FAM117B: variants seen among roughly 807,000 people sequenced by gnomAD.
FAM117B encodes protein FAM117B.
FAM117B carries 22 observed loss-of-function variants against 52.8 expected under a neutral mutation model. The ratio of observed to expected loss-of-function variants is 0.42; its 90% CI spans 0.30 to 0.59. The LOEUF (loss-of-function observed/expected upper bound fraction) is 0.59. Ranked by LOEUF, FAM117B falls within the 20% of genes least tolerant of loss-of-function variation. The pLI is 0.22. For synonymous variants in FAM117B, 309 were observed against 324.1 expected, an observed-to-expected ratio of 0.95 and a Z score of 0.50; for missense variants, 678 against 802.6, an observed-to-expected ratio of 0.84 and a Z score of 1.88.
intron 2 of FAM117B, among the ~76,000 whole-genome samples, chr2:202,700,130 A>G (rs759285002): frequency 2.0e-5 from 3 of 152,160 alleles, no homozygotes; most frequent in Non-Finnish European, 4.4e-5. Context: ...AGACAAATTA[A>G]TAACTTTACA....
rs757843381 is a variant in FAM117B at position 202,694,188 on chromosome 2, C to CTTTTTTTTTTTTTTTTT, written c.602-1688_602-1672dup. On this transcript the variant is annotated intron_variant, in intron 1 of 7. Coordinates refer to ENST00000392238, the MANE Select transcript of FAM117B (RefSeq NM_173511.4). ...GAAGATGTTATTGCAAAACCCACTTCTTTTTTTTTTTTTTTTTTTTTGAGA... is the reference window on the plus strand; with the variant it reads ...GAAGATGTTATTGCAAAACCCACTTCTTTTTTTTTTTTTTTTTTTTTTTTTTTTTTTTTTTTTTGAGA... Among the ~76,000 whole-genome samples the CTTTTTTTTTTTTTTTTT allele has an allele frequency of 1.7e-4, 17 of 99,064 alleles. 2 individuals carry two copies. Among genetic ancestry groups the CTTTTTTTTTTTTTTTTT allele is most frequent in the African/African-American group, 7.4e-4 (17 of 22,868 alleles). The allele number at this position is 99,064 out of a possible 152,430, so 65.0% of individuals were successfully genotyped here.
intron 2 of FAM117B, among the ~76,000 whole-genome samples, chr2:202,705,199 G>A (rs1221604346): frequency 2.0e-5 from 3 of 151,872 alleles, no homozygotes; most frequent in Non-Finnish European, 4.4e-5. Flanking sequence ...CCAGCTACTC[G>A]GGAAGCTGAG....
intron 1 of FAM117B, among the ~76,000 whole-genome samples, chr2:202,689,524 A>G (rs530210036): frequency 1.3e-5 from 2 of 152,302 alleles, no homozygotes; most frequent in African/African-American, 4.8e-5. Flanking sequence ...AATATTTATC[A>G]TTTGTATACT....
At chr2:202,667,527 A>G (rs1393723317) in intron 1 of FAM117B, among the ~76,000 whole-genome samples, 1 of 152,098 alleles carries the variant, frequency 6.6e-6, no homozygotes, top group African/African-American at 2.4e-5. Flanking sequence ...TTCCATAGAA[A>G]TAATATTGCT....
At chr2:202,727,299 C>T (rs940245527) in intron 4 of FAM117B, among the ~76,000 whole-genome samples, 3 of 152,104 alleles carry the variant, frequency 2.0e-5, no homozygotes, top group African/African-American at 7.2e-5. Flanking sequence ...CAAACTGTGG[C>T]CCGGGAGCCA....
intron 4 of FAM117B, among the ~76,000 whole-genome samples, chr2:202,737,730 T>C (rs1037130457): frequency 3.9e-5 from 6 of 151,912 alleles, no homozygotes; most frequent in Non-Finnish European, 7.4e-5. Context: ...GCCTCCCGAG[T>C]GGCTGGTACT....
At chr2:202,669,028 A>G (rs924959010) in intron 1 of FAM117B, among the ~76,000 whole-genome samples, 9 of 152,172 alleles carry the variant, frequency 5.9e-5, no homozygotes, top group African/African-American at 2.2e-4. Flanking sequence ...AATAAGGAAT[A>G]ATATATGCCA....
chr2:202,708,101 A>C (rs1263874170), intron 2 of FAM117B, among the ~76,000 whole-genome samples: 2 of 152,046 alleles, frequency 1.3e-5, no homozygotes, highest in Admixed American at 6.6e-5. Context: ...GAAGAGATCT[A>C]CTCTCAACAA....
chr2:202,696,935 G>T (rs1255002055), intron 2 of FAM117B, among the ~76,000 whole-genome samples: 1 of 152,138 alleles, frequency 6.6e-6, no homozygotes, highest in Non-Finnish European at 1.5e-5. Flanking sequence ...CGGGCATGCT[G>T]GTGCACACTT....
At chr2:202,655,664 C>T (rs1690040417) in intron 1 of FAM117B, among the ~76,000 whole-genome samples, 1 of 146,320 alleles carries the variant, frequency 6.8e-6, no homozygotes. Context: ...CCAAAATTTC[C>T]CCAGTGAAAT....
intron 1 of FAM117B, among the ~76,000 whole-genome samples, chr2:202,685,160 T>C (rs1690520854): frequency 6.6e-6 from 1 of 152,062 alleles, no homozygotes; most frequent in Admixed American, 6.6e-5. Context: ...TATTTTTGTA[T>C]TTTTAGTAGA....
chr2:202,751,841 G>C (rs894327571), intron 4 of FAM117B, among the ~76,000 whole-genome samples: 2 of 150,888 alleles, frequency 1.3e-5, no homozygotes, highest in Non-Finnish European at 2.9e-5. Context: ...CTGAGCTATG[G>C]AGAGTGGCTC....
At chr2:202,641,594 A>T (rs1161750098) in intron 1 of FAM117B, among the ~76,000 whole-genome samples, 1 of 151,990 alleles carries the variant, frequency 6.6e-6, no homozygotes, top group African/African-American at 2.4e-5. Flanking sequence ...AAATCTTTGT[A>T]ATCTGTGTGT....
chr2:202,673,189 TTTTG>T (rs1219383824), intron 1 of FAM117B, among the ~76,000 whole-genome samples: 1 of 152,156 alleles, frequency 6.6e-6, no homozygotes, highest in African/African-American at 2.4e-5. Flanking sequence ...TCTGTTGCAG[TTTTG>T]TTTTTTAATT....
At chr2:202,707,747 A>C (rs1244518717) in intron 2 of FAM117B, among the ~76,000 whole-genome samples, 1 of 151,592 alleles carries the variant, frequency 6.6e-6, no homozygotes, top group Non-Finnish European at 1.5e-5. Context: ...CAATAAAACA[A>C]ATAGTTTCAT....
intron 2 of FAM117B, among the ~76,000 whole-genome samples, chr2:202,705,306 CAAAGAAA>C (rs540762860): frequency 0.016 from 2,406 of 147,560 alleles, 26 homozygotes; most frequent in Non-Finnish European, 0.027. Context: ...AACTTCATCT[CAAAGAAA>C]AAAAAAACAA....
At chr2:202,723,913 T>A (rs1044234213) in intron 2 of FAM117B, among the ~76,000 whole-genome samples, 1 of 152,282 alleles carries the variant, frequency 6.6e-6, no homozygotes, top group East Asian at 1.9e-4. Context: ...AATTGCTCAA[T>A]CTTGTTGAAG....
chr2:202,697,170 C>T (rs1405948153), intron 2 of FAM117B, among the ~76,000 whole-genome samples: 3 of 152,176 alleles, frequency 2.0e-5, no homozygotes, highest in Admixed American at 6.5e-5. Flanking sequence ...TTGAAGACTG[C>T]ATCTTAGTTT....
chr2:202,765,689 T>C lies in FAM117B; in HGVS notation c.1695T>C (p.Ser565=). Residue 565 remains serine, a synonymous_variant, in exon 8 of 8, where the codon TCT becomes TCC. Transcript: ENST00000392238. ...LSTNTEQDRV[S]RGTSTVMPSA... ...CAAACACAGAGCAAGACCGAGTCTCTCGAGGAACAAGTACAGTCATGCCAT... is the reference window on the plus strand; with the variant it reads ...CAAACACAGAGCAAGACCGAGTCTCCCGAGGAACAAGTACAGTCATGCCAT... 6.2e-7 allele frequency: 1 copy of C among 1,614,086 alleles called. No individual in the cohort carries two copies. Among genetic ancestry groups the C allele is most frequent in the South Asian group, 1.1e-5 (1 of 91,080 alleles).
Sources: allele counts gnomAD v4.1 joint callset (sites outside exome capture counted in the v4.1 genomes callset), GRCh38; gene constraint gnomAD v4.1.1; transcripts MANE v1.5; gene names NCBI Gene and HGNC (gene_info 2026-07-23, HGNC 2026-07-21).